The following SKA2 variants were observed in gnomAD, a reference collection of about 807,000 sequenced individuals.
The protein encoded by SKA2 is spindle and kinetochore associated complex subunit 2.
Under a neutral mutation model 16.9 loss-of-function variants are expected in SKA2, and 13 were observed. The observed-to-expected ratio is 0.77, with a 90% CI of 0.50 to 1.22. The LOEUF is 1.22. SKA2 is among the 50% of genes most tolerant of loss of function. The pLI is 0.00. For synonymous variants in SKA2, 47 were observed against 48.5 expected (o/e 0.97, Z 0.13); for missense variants, 107 against 139.7 (o/e 0.77, Z 1.18).
intron 1 of SKA2, among the ~76,000 whole-genome samples, chr17:59,132,304 CA>C (rs2046416495): frequency 1.3e-5 from 2 of 151,064 alleles, no homozygotes; most frequent in Non-Finnish European, 2.9e-5. Context: ...TGCAGTAAGC[CA>C]AGATTGCACC....
At position 59,111,018 on chromosome 17, in the gene SKA2, A is replaced by G. The variant is rs191361373; in HGVS notation, c.*1259T>C. The G allele has an allele frequency of 2.6e-5, 4 of 152,274 alleles. No individual in the cohort carries two copies. The highest frequency in any genetic ancestry group is 4.8e-5 in the African/African-American group (2 of 41,562). 9.4% of individuals were successfully genotyped at this position (152,274 alleles called of 1,614,324 possible). ...CTAGTCCTTTCAATGCTTAGTTTTT[A>G]TTACATGTATGTAATATCACTTATT... On this transcript the variant is annotated 3_prime_UTR_variant, in exon 4 of 4. Coordinates refer to ENST00000330137, the MANE Select transcript of SKA2 (RefSeq NM_182620.4).
intron 1 of SKA2, among the ~76,000 whole-genome samples, chr17:59,146,320 GA>G (rs1350795798): frequency 2.0e-5 from 3 of 152,088 alleles, no homozygotes; most frequent in Non-Finnish European, 2.9e-5. Context: ...CCAATGTGGT[GA>G]AACCCCGTCA....
At chr17:59,124,676 T>G (rs1029973637) in intron 2 of SKA2, among the ~76,000 whole-genome samples, 2 of 151,946 alleles carry the variant, frequency 1.3e-5, no homozygotes, top group Non-Finnish European at 2.9e-5. Flanking sequence ...TCCTTGAGGA[T>G]CTCACAAAAC....
At chr17:59,145,401 G>A (rs1431040525) in intron 1 of SKA2, among the ~76,000 whole-genome samples, 2 of 152,052 alleles carry the variant, frequency 1.3e-5, no homozygotes, top group Non-Finnish European at 2.9e-5. Flanking sequence ...ATCTCTGGAC[G>A]TTCACATGTA....
chr17:59,112,385 C>A, intron 3 of SKA2, 40 bp from the exon 4 acceptor site: 1 of 1,503,974 alleles, frequency 6.6e-7, no homozygotes, highest in South Asian at 1.2e-5. Context: ...CAAAAACTTT[C>A]AAAGACTTAA....
At chr17:59,122,981 T>C (rs1334226686) in intron 2 of SKA2, among the ~76,000 whole-genome samples, 2 of 121,538 alleles carry the variant, frequency 1.6e-5, no homozygotes, top group Admixed American at 2.0e-4. Context: ...GGTCTCAAAC[T>C]CCTGCACTCC....
chr17:59,146,398 G>A (rs1422092884), intron 1 of SKA2, among the ~76,000 whole-genome samples: 1 of 152,064 alleles, frequency 6.6e-6, no homozygotes, highest in Non-Finnish European at 1.5e-5. Flanking sequence ...ACTCGGGAGG[G>A]TGACGCAGGC....
intron 2 of SKA2, among the ~76,000 whole-genome samples, chr17:59,130,744 T>C (rs1258952593): frequency 6.6e-6 from 1 of 152,220 alleles, no homozygotes; most frequent in Non-Finnish European, 1.5e-5. Flanking sequence ...GCTTGGAGAT[T>C]ATTTACTTTC....
rs57098353 is a variant in SKA2 at position 59,147,377 on chromosome 17, G to GACACACACACACACACACACAC, written c.33+7732_33+7753dup. Among the ~76,000 whole-genome samples the GACACACACACACACACACACAC allele has an allele frequency of 9.0e-4, 124 of 138,212 alleles. 1 individual carries two copies. The highest frequency in any genetic ancestry group is 2.5e-3 in the African/African-American group (91 of 36,604). The allele number at this position is 138,212 out of a possible 152,430, so 90.7% of individuals were successfully genotyped here. Reference sequence around the variant, plus strand: ...ACTAAGAAAGAAATTTTATATATAAGACACACACACACACACACACACACA... The same window carrying GACACACACACACACACACACAC: ...ACTAAGAAAGAAATTTTATATATAAGACACACACACACACACACACACACACACACACACACACACACACACA... On this transcript the variant is annotated intron_variant, in intron 1 of 3. Coordinates refer to ENST00000330137, the MANE Select transcript of SKA2 (RefSeq NM_182620.4).
rs764938431 is a variant in SKA2 at position 59,146,950 on chromosome 17, G to A, written c.33+8181C>T. On this transcript the variant is annotated intron_variant, in intron 1 of 3. Coordinates refer to ENST00000330137, the MANE Select transcript of SKA2 (RefSeq NM_182620.4). The stretch of plus-strand genomic sequence containing the variant: ...CTCCCAGAGCGCTGGGATTATAGGC[G>A]TGAGCCACTGCACCTAGCCAATCTG... 3.3e-5 allele frequency among the ~76,000 whole-genome samples: 5 copies of A among 152,144 alleles called. No homozygotes were observed. In the East Asian group the frequency reaches 9.6e-4, roughly 29 times the overall value.
intron 2 of SKA2, among the ~76,000 whole-genome samples, chr17:59,128,078 G>A (rs1041742077): frequency 6.6e-6 from 1 of 151,780 alleles, no homozygotes; most frequent in Admixed American, 6.6e-5. Flanking sequence ...CAGCTGGTGT[G>A]GTGGCACGCA....
chr17:59,132,529 T>C (rs2046418510), intron 1 of SKA2, among the ~76,000 whole-genome samples: 1 of 152,198 alleles, frequency 6.6e-6, no homozygotes. Flanking sequence ...CTGGGGATAG[T>C]GGCATGTGCC....
chr17:59,148,434 T>G (rs2046550636), intron 1 of SKA2, among the ~76,000 whole-genome samples: 1 of 151,918 alleles, frequency 6.6e-6, no homozygotes, highest in Admixed American at 6.6e-5. Context: ...TAAAAAAATT[T>G]TTTTGAGATA....
At chr17:59,125,504 C>T (rs1367719902) in intron 2 of SKA2, among the ~76,000 whole-genome samples, 1 of 150,342 alleles carries the variant, frequency 6.7e-6, no homozygotes, top group African/African-American at 2.4e-5. Context: ...AGTTCAAGAC[C>T]AGCCTGACCA....
chr17:59,119,294 C>G (rs565971520), intron 3 of SKA2, 25 bp downstream of exon 3: 2 of 1,610,866 alleles, frequency 1.2e-6, no homozygotes, highest in South Asian at 2.2e-5. Context: ...CTAAACAAAT[C>G]TAACCTGTCA....
At chr17:59,136,454 G>A (rs1253384683) in intron 1 of SKA2, among the ~76,000 whole-genome samples, 1 of 152,064 alleles carries the variant, frequency 6.6e-6, no homozygotes, top group African/African-American at 2.4e-5. Flanking sequence ...GTGAACCACT[G>A]TGCCTGGCCA....
At chr17:59,149,110 A>T (rs543066429) in intron 1 of SKA2, among the ~76,000 whole-genome samples, 30 of 152,202 alleles carry the variant, frequency 2.0e-4, no homozygotes, top group Non-Finnish European at 4.0e-4. Flanking sequence ...ATATTTTAGC[A>T]GTTGCTTATA....
intron 1 of SKA2, chr17:59,137,656 T>G: frequency 2.5e-6 from 1 of 398,652 alleles, no homozygotes; most frequent in Non-Finnish European, 4.9e-6. Flanking sequence ...AAATTAAAAA[T>G]TTACATTTAA....
intron 1 of SKA2, among the ~76,000 whole-genome samples, chr17:59,136,721 G>A (rs184668493): frequency 6.6e-6 from 1 of 151,734 alleles, no homozygotes; most frequent in African/African-American, 2.4e-5. Context: ...GCTAAGTTTT[G>A]TATTTTTAGT....
Sources: allele counts gnomAD v4.1 joint callset (sites outside exome capture counted in the v4.1 genomes callset), GRCh38; gene constraint gnomAD v4.1.1; transcripts MANE v1.5; gene names NCBI Gene and HGNC (gene_info 2026-07-23, HGNC 2026-07-21).